The following UBTF variants were observed in gnomAD, a reference collection of about 807,000 sequenced individuals.
UBTF encodes the protein upstream binding transcription factor, also known as nucleolar transcription factor 1.
Under a neutral mutation model 112.3 loss-of-function variants are expected in UBTF, and 8 were observed. The ratio of observed to expected loss-of-function variants is 0.07; its 90% CI spans 0.04 to 0.13. UBTF has a LOEUF of 0.13. Among genes scored for constraint, UBTF ranks in the 10% least tolerant of loss-of-function variants. The pLI, the probability that UBTF is intolerant of heterozygous loss-of-function variation, is 1.00. For missense variants in UBTF, 457 were observed against 982.1 expected (o/e 0.47, Z 7.15); for synonymous variants, 417 against 373.1 (o/e 1.12, Z -1.36).
intron 3 of UBTF, 70 bp from the exon 4 acceptor site, chr17:44,216,059 T>C (rs973010933): frequency 4.9e-6 from 6 of 1,236,542 alleles, no homozygotes; most frequent in Non-Finnish European, 7.1e-6. Context: ...TATACCCCCA[T>C]CTTATAACGG....
chr17:44,216,365 A>G (rs1356527930), intron 3 of UBTF, 164 bp downstream of exon 3: 1 of 808,352 alleles, frequency 1.2e-6, no homozygotes, highest in African/African-American at 1.7e-5. Flanking sequence ...CAGTGCTGTC[A>G]ACCGTGCCAC....
chr17:44,213,122 T>C, intron 6 of UBTF, 96 bp downstream of exon 6: 1 of 1,545,844 alleles, frequency 6.5e-7, no homozygotes, highest in African/African-American at 1.4e-5. Context: ...TCCTCTTCCA[T>C]GCCTCAGAGA....
At chr17:44,212,744 C>T in intron 7 of UBTF, 75 bp downstream of exon 7, 1 of 1,587,376 alleles carries the variant, frequency 6.3e-7, no homozygotes, top group East Asian at 2.2e-5. Flanking sequence ...TGCACCGTGC[C>T]CGGCCGACCT....
At position 44,210,196 on chromosome 17, in the gene UBTF, G is replaced by A. The variant is rs772736784; in HGVS notation, c.1554C>T (p.Thr518=). The change falls in exon 15 of 21, where the codon ACC becomes ACT. Residue 518 remains threonine, a synonymous_variant. Coordinates refer to ENST00000436088, the MANE Select transcript of UBTF (RefSeq NM_014233.4). The stretch of plus-strand genomic sequence containing the variant: ...TCTCCTTCTTTTCCATGTTATTCCA[G>A]GTCATTTCCATGGCTTTCAAGGCCT... The part of the protein sequence containing the change: ...RVKALKAMEM[T]WNNMEKKEKL... 5.0e-6 allele frequency: 8 copies of A among 1,614,196 alleles called. No individual in the cohort carries two copies. The Admixed American group carries it at 8.3e-5, about 17-fold the overall frequency.
chr17:44,218,934 C>G (rs946678534), intron 1 of UBTF: 1 of 151,404 alleles, frequency 6.6e-6, no homozygotes, highest in African/African-American at 2.4e-5. Context: ...GAGAAGCGGC[C>G]TAGCCTGCCC....
chr17:44,220,253 G>C (rs1048190879), upstream of UBTF, among the ~76,000 whole-genome samples: 4 of 151,822 alleles, frequency 2.6e-5, no homozygotes, highest in African/African-American at 4.8e-5. Flanking sequence ...AGGGTGCCCG[G>C]AGGTGCCCCC....
chr17:44,212,549 C>A (rs2056756809), intron 7 of UBTF, 95 bp from the exon 8 acceptor site: 1 of 1,077,502 alleles, frequency 9.3e-7, no homozygotes, highest in Non-Finnish European at 1.3e-6. Context: ...CCCCCTCAGG[C>A]CATGGGAGGT....
At chr17:44,213,097 C>A in intron 6 of UBTF, 121 bp downstream of exon 6, 1 of 1,525,232 alleles carries the variant, frequency 6.6e-7, no homozygotes, top group African/African-American at 1.4e-5. Context: ...CACACTAGGG[C>A]TCACATGTGA....
chr17:44,209,183 AAT>A, intron 17 of UBTF, 167 bp downstream of exon 17: 4 of 684,670 alleles, frequency 5.8e-6, no homozygotes, highest in South Asian at 5.8e-5. Context: ...TAAAAAAAAA[AAT>A]AAAAATAAAA....
In UBTF at chr17:44,207,500, TCGC is replaced by T. The variant is rs767230902; in HGVS notation, c.2120_2122del (p.Gly707del). On this transcript the variant is annotated inframe_deletion, in exon 20 of 21. Coordinates refer to ENST00000436088, the MANE Select transcript of UBTF (RefSeq NM_014233.4). ...GTCCTCGCTGCTGGACTCAGAGGAG[TCGC>T]CGCCATCTTCAGAGGAGTCCCCATT... The T allele has an allele frequency of 1.9e-6, 3 of 1,612,120 alleles. No homozygotes were observed. Among genetic ancestry groups the T allele is most frequent in the South Asian group, 1.1e-5 (1 of 90,970 alleles).
At chr17:44,213,744 G>A (rs1342367577) in intron 5 of UBTF, among the ~76,000 whole-genome samples, 5 of 152,166 alleles carry the variant, frequency 3.3e-5, no homozygotes, top group South Asian at 2.1e-4. Flanking sequence ...TATGGCCAGG[G>A]CTGGGCTGAG....
At position 44,207,584 on chromosome 17, in the gene UBTF, T is replaced by C. The variant is rs1228725302; in HGVS notation, c.2039A>G (p.Asp680Gly). 7 of 1,614,148 alleles carry C rather than the reference T, an allele frequency of 4.3e-6. No individual in the cohort carries two copies. Among genetic ancestry groups the C allele is most frequent in the Non-Finnish European group, 5.9e-6 (7 of 1,180,016 alleles). Residue 680 changes from aspartate to glycine, a missense_variant, in exon 20 of 21, where the codon GAT (aspartate) becomes GGT (glycine). Transcript: ENST00000436088. ...TLQSKSESEEDDEEDEDDEDE... is the reference protein window; with the variant it reads ...TLQSKSESEEGDEEDEDDEDE... Reference sequence around the variant, plus strand: ...CTCGTCATCCTCATCCTCTTCATCATCCTCCTCGGACTCCTTGGAGGGATG... The same window carrying C: ...CTCGTCATCCTCATCCTCTTCATCACCCTCCTCGGACTCCTTGGAGGGATG...
upstream of UBTF, chr17:44,220,609 G>C (rs950058989): frequency 1.6e-4 from 24 of 152,174 alleles, no homozygotes; most frequent in African/African-American, 5.3e-4. Context: ...CGGCGGAGGG[G>C]CCGCTGTGGG....
In UBTF at chr17:44,207,076, C is replaced by A. The variant is rs1412486599; in HGVS notation, c.*166G>T. 1 of 757,896 alleles carries A rather than the reference C, an allele frequency of 1.3e-6. No homozygotes were observed. Among genetic ancestry groups the A allele is most frequent in the Non-Finnish European group, 2.1e-6 (1 of 481,190 alleles). The allele number at this position is 757,896 out of a possible 1,614,324, so 46.9% of individuals were successfully genotyped here. The stretch of plus-strand genomic sequence containing the variant: ...AGGCTGCAGAGTCCTGGCCTGGGCT[C>A]CTCCAGCCCCCTACCCCCACCGTAT... On this transcript the variant is annotated 3_prime_UTR_variant, in exon 21 of 21. Transcript: ENST00000436088.
Position 44,218,470 on chromosome 17 carries a change from C to T in UBTF, c.-67-174G>A, listed in dbSNP as rs551828625. On this transcript the variant is annotated intron_variant, in intron 1 of 20. Transcript: ENST00000436088. ...AGTGCGCCCCTCCTCTTCCTCGTGA[C>T]CCCCTCCCCCAGCCCCTGCAGCCCG... 3 of 508,776 alleles carry T rather than the reference C, an allele frequency of 5.9e-6. No individual in the cohort carries two copies. The African/African-American group carries it at 6.1e-5, about 10-fold the overall frequency. The allele number at this position is 508,776 out of a possible 1,614,324, so 31.5% of individuals were successfully genotyped here.
At position 44,211,560 on chromosome 17, in the gene UBTF, T is replaced by C. The variant is rs200525141; in HGVS notation, c.1047+46A>G. The C allele has an allele frequency of 3.0e-5, 48 of 1,591,128 alleles. No individual in the cohort carries two copies. In the African/African-American group the frequency reaches 5.4e-4, roughly 18 times the overall value. On this transcript the variant is annotated intron_variant, in intron 10 of 20. Coordinates refer to ENST00000436088, the MANE Select transcript of UBTF (RefSeq NM_014233.4). This position sits in a 1 kb window ranked among gnomAD's most constrained non-coding sequence, Gnocchi z 4.9. The stretch of plus-strand genomic sequence containing the variant: ...GACTGGCCCAAGATGGGATCAGACC[T>C]CATGCTTCAAAACCCCAAGGCAGGG...
rs759852224 is a variant in UBTF at position 44,209,438 on chromosome 17, T to C, written c.1819A>G (p.Ile607Val). Reference sequence around the variant, plus strand: ...TAGTGCTCCTTCTGGCTCTGGGAGATGCGCTGCCAGCGACTGCCGATCTCC... The same window carrying C: ...TAGTGCTCCTTCTGGCTCTGGGAGACGCGCTGCCAGCGACTGCCGATCTCC... ...MVEIGSRWQR[I>V]SQSQKEHYKK... Residue 607 changes from isoleucine to valine, a missense_variant, in exon 17 of 21, where the codon ATC (isoleucine) becomes GTC (valine). This residue lies in a region of UBTF where 77 missense variants were observed against 211.9 expected (regional missense o/e 0.36). Coordinates refer to ENST00000436088, the MANE Select transcript of UBTF (RefSeq NM_014233.4). The C allele has an allele frequency of 1.9e-6, 3 of 1,614,048 alleles. No homozygotes were observed. Among genetic ancestry groups the C allele is most frequent in the African/African-American group, 2.7e-5 (2 of 74,922 alleles).
rs768101144 is a variant in UBTF, at chr17:44,207,353, G to A, written c.2184C>T (p.Asp728=). Residue 728 remains aspartate (D), a synonymous_variant, in exon 21 of 21, where the codon GAC becomes GAT. Transcript: ENST00000436088. The part of the protein sequence containing the change: ...SEDGDENEED[D]EDEDDDEDDD... The stretch of plus-strand genomic sequence containing the variant: ...CATCCTCGTCGTCGTCTTCGTCCTC[G>A]TCATCCTCTTCATTCTGGGGGGTGA... 24 of 1,612,478 alleles carry A rather than the reference G, an allele frequency of 1.5e-5. No individual in the cohort carries two copies. The East Asian group carries it at 1.6e-4, about 10-fold the overall frequency.
rs147280568 is a variant in UBTF, at chr17:44,207,475, G to A, written c.2148C>T (p.Asp716=). 10 of 1,613,724 alleles carry A rather than the reference G, an allele frequency of 6.2e-6. No individual in the cohort carries two copies. The African/African-American group carries it at 6.7e-5, about 11-fold the overall frequency. ...GGDSSESSSE[D]ESEDGDENEE... ...CCACCTCATCCCCATCCTCGCTCTCGTCCTCGCTGCTGGACTCAGAGGAGT... is the reference window on the plus strand; with the variant it reads ...CCACCTCATCCCCATCCTCGCTCTCATCCTCGCTGCTGGACTCAGAGGAGT... Residue 716 remains aspartate (D), a synonymous_variant, in exon 20 of 21, where the codon GAC becomes GAT. Coordinates refer to ENST00000436088, the MANE Select transcript of UBTF (RefSeq NM_014233.4).
Sources: gnomAD v4.1 joint callset for allele counts (sites outside exome capture counted in the v4.1 genomes callset) on GRCh38, gnomAD v4.1.1 for gene constraint, gnomAD v4.1.1 regional missense constraint, Gnocchi (gnomAD v3.1) non-coding constraint, MANE v1.5 for transcripts, NCBI Gene and HGNC (gene_info 2026-07-23, HGNC 2026-07-21) for gene names.